The following ESYT3 variants were observed in gnomAD, a reference collection of about 807,000 sequenced individuals.
ESYT3 encodes extended synaptotagmin-3.
Under a neutral mutation model 111.5 loss-of-function variants are expected in ESYT3, and 101 were observed. The ratio of observed to expected loss-of-function variants is 0.91; its 90% CI spans 0.77 to 1.07. ESYT3 has a LOEUF of 1.07. ESYT3 is among the 50% of genes least tolerant of loss of function. The pLI is 0.00. For missense variants in ESYT3, 1,097 were observed against 1,109.4 expected, an observed-to-expected ratio of 0.99 and a Z score of 0.16; for synonymous variants, 416 against 446.8, an observed-to-expected ratio of 0.93 and a Z score of 0.87.
In ESYT3 at chr3:138,479,227, A is replaced by AATAC. The variant is rs1193099257; in HGVS notation, c.*2376_*2379dup. On this transcript the variant is annotated 3_prime_UTR_variant, in exon 23 of 23. Coordinates refer to ENST00000389567, the MANE Select transcript of ESYT3 (RefSeq NM_031913.5). ...CAGTGGAAAGCAAAGAAATCCATAA[A>AATAC]ATACATTGGCAAACCTAAGCAAGTT... 1 of 152,228 alleles carries AATAC rather than the reference A, an allele frequency of 6.6e-6. No individual in the cohort carries two copies. Among genetic ancestry groups the AATAC allele is most frequent in the Non-Finnish European group, 1.5e-5 (1 of 68,034 alleles). The allele number at this position is 152,228 out of a possible 1,614,324, so 9.4% of individuals were successfully genotyped here. A position where few individuals can be genotyped will look rare whatever the true frequency, so the allele number is the denominator to read the frequency against.
chr3:138,467,923 C>T (rs2033014120), intron 11 of ESYT3, among the ~76,000 whole-genome samples, 182 bp from the exon 12 acceptor site: 1 of 152,080 alleles, frequency 6.6e-6, no homozygotes, highest in South Asian at 2.1e-4. Context: ...CTTCCTATAA[C>T]CACATCTCCC....
chr3:138,473,987 T>C (rs544009577), intron 19 of ESYT3, among the ~76,000 whole-genome samples: 1 of 152,358 alleles, frequency 6.6e-6, no homozygotes, highest in African/African-American at 2.4e-5. Context: ...ATGCGTGTTA[T>C]CAAAAACATT....
intron 1 of ESYT3, among the ~76,000 whole-genome samples, chr3:138,447,990 G>T (rs12633098): frequency 2.0e-5 from 3 of 151,842 alleles, no homozygotes; most frequent in Admixed American, 6.6e-5. Flanking sequence ...ATCGGCGGCC[G>T]GGTGTGGTGG....
chr3:138,476,837 G>A lies in ESYT3; in HGVS notation c.2644G>A (p.Gly882Arg), dbSNP rs1278957107. The change falls in exon 23 of 23, where the codon GGA (glycine) becomes AGA (arginine). Residue 882 changes from glycine (G) to arginine (R), a missense_variant. Gly to Arg is a moderately radical substitution (Grantham distance 125). Transcript: ENST00000389567. ...TTACAGGTATGAGCTGACTCCAAAT[G>A]GACAGCCCAGAAGCTGATGATGAGA... ...FSQWYELTPNGQPRS is the reference protein window; with the variant it reads ...FSQWYELTPNRQPRS The A allele has an allele frequency of 6.2e-7, 1 of 1,613,736 alleles. No individual in the cohort carries two copies. The highest frequency in any genetic ancestry group is 1.7e-5 in the Admixed American group (1 of 59,996).
chr3:138,455,060 C>A, intron 2 of ESYT3, 134 bp from the exon 3 acceptor site: 1 of 934,848 alleles, frequency 1.1e-6, no homozygotes, highest in Non-Finnish European at 1.6e-6. Flanking sequence ...GGCAGGCAAG[C>A]AGGTGAGTGC....
chr3:138,437,222 G>A (rs528854876), intron 1 of ESYT3, among the ~76,000 whole-genome samples: 19 of 152,312 alleles, frequency 1.2e-4, no homozygotes, highest in African/African-American at 4.6e-4. Flanking sequence ...GAGGAGAATT[G>A]GAGCCAGGAG....
At chr3:138,437,847 G>A (rs1271223090) in intron 1 of ESYT3, among the ~76,000 whole-genome samples, 1 of 152,104 alleles carries the variant, frequency 6.6e-6, no homozygotes, top group Non-Finnish European at 1.5e-5. Context: ...GGTTTAGGGA[G>A]CTGTTGACCA....
At chr3:138,450,949 G>A (rs1231369017) in intron 1 of ESYT3, among the ~76,000 whole-genome samples, 1 of 152,186 alleles carries the variant, frequency 6.6e-6, no homozygotes, top group African/African-American at 2.4e-5. Context: ...AGGGGACTTG[G>A]GGCATGGCCA....
intron 20 of ESYT3, among the ~76,000 whole-genome samples, chr3:138,475,067 A>T (rs566445349): frequency 4.3e-4 from 66 of 152,332 alleles, no homozygotes; most frequent in African/African-American, 1.5e-3. Flanking sequence ...CATATCTAAG[A>T]ACTATTATGT....
chr3:138,436,626 G>A (rs1440004608), intron 1 of ESYT3, among the ~76,000 whole-genome samples: 3 of 152,190 alleles, frequency 2.0e-5, no homozygotes, highest in Non-Finnish European at 4.4e-5. Flanking sequence ...TAGCCATAGG[G>A]GTAGCGCATG....
At position 138,473,208 on chromosome 3, in the gene ESYT3, C is replaced by T. The variant is rs964896401; in HGVS notation, c.2238-328C>T. 1.4e-5 allele frequency: 14 copies of T among 1,025,528 alleles called. No individual in the cohort carries two copies. The African/African-American group carries it at 1.9e-4, about 14-fold the overall frequency. 63.5% of individuals were successfully genotyped at this position (1,025,528 alleles called of 1,614,324 possible). The stretch of plus-strand genomic sequence containing the variant: ...TATGAAGGGTTTACTATGGGCTTAG[C>T]ATGTTACCTGATTTAATTCAACCTT... On this transcript the variant is annotated intron_variant, in intron 18 of 22. Coordinates refer to ENST00000389567, the MANE Select transcript of ESYT3 (RefSeq NM_031913.5).
chr3:138,436,942 C>T (rs1221059198), intron 1 of ESYT3, among the ~76,000 whole-genome samples: 2 of 151,314 alleles, frequency 1.3e-5, no homozygotes, highest in African/African-American at 2.4e-5. Flanking sequence ...CGTGTAGGGG[C>T]GTGGACACCC....
intron 2 of ESYT3, among the ~76,000 whole-genome samples, chr3:138,452,709 C>T (rs1372202188): frequency 6.6e-6 from 1 of 152,214 alleles, no homozygotes; most frequent in Non-Finnish European, 1.5e-5. Flanking sequence ...CCTCCCTGAT[C>T]TGCCCAGACC....
Position 138,435,943 on chromosome 3 carries a change from C to G in ESYT3, c.327+818C>G, listed in dbSNP as rs946302729. 2.0e-5 allele frequency among the ~76,000 whole-genome samples: 3 copies of G among 152,176 alleles called. No individual in the cohort carries two copies. Among genetic ancestry groups the G allele is most frequent in the Non-Finnish European group, 2.9e-5 (2 of 68,028 alleles). On this transcript the variant is annotated intron_variant, in intron 1 of 22. Coordinates refer to ENST00000389567, the MANE Select transcript of ESYT3 (RefSeq NM_031913.5). The surrounding 1 kb of genome is among the most constrained non-coding windows in gnomAD (Gnocchi z 4.8). ...ATGGTTGGTCTGCGGCAAACCCTTA[C>G]TGTCTCTCCGGTGCTGGGGCTCTTC...
Position 138,473,337 on chromosome 3 carries a change from G to A in ESYT3, c.2238-199G>A, listed in dbSNP as rs1044190002. The A allele has an allele frequency of 9.7e-5, 61 of 630,524 alleles. 1 individual carries two copies. Among genetic ancestry groups the A allele is most frequent in the African/African-American group, 8.5e-4 (47 of 55,008 alleles). The allele number at this position is 630,524 out of a possible 1,614,324, so 39.1% of individuals were successfully genotyped here. On this transcript the variant is annotated intron_variant, in intron 18 of 22. Transcript: ENST00000389567. The stretch of plus-strand genomic sequence containing the variant: ...AGGCAGATTCCACTTCAGGGTTCCC[G>A]TTCTTCCTACTATGAAGTAGGATAA...
At chr3:138,464,274 T>G in intron 8 of ESYT3, 71 bp from the exon 9 acceptor site, 1 of 1,555,228 alleles carries the variant, frequency 6.4e-7, no homozygotes, top group Admixed American at 1.7e-5. Context: ...TCTGATGGTT[T>G]TAGCTCTGAT....
In ESYT3 at chr3:138,459,997, T is replaced by C; in HGVS notation, c.701T>C (p.Phe234Ser). 1 of 1,614,040 alleles carries C rather than the reference T, an allele frequency of 6.2e-7. No individual in the cohort carries two copies. The highest frequency in any genetic ancestry group is 8.5e-7 in the Non-Finnish European group (1 of 1,179,970). Residue 234 changes from phenylalanine (F) to serine (S), a missense_variant, in exon 6 of 23, where the codon TTT (phenylalanine) becomes TCT (serine). Transcript: ENST00000389567. ...ILEPLLVDKP[F>S]VGAVTVFFLQ... ...GAGCCCCTCCTAGTGGACAAGCCCT[T>C]TGTGGGAGCCGTGACTGTGTTCTTC...
chr3:138,455,730 G>A (rs1220995581), intron 3 of ESYT3, among the ~76,000 whole-genome samples: 2 of 152,184 alleles, frequency 1.3e-5, no homozygotes, highest in Non-Finnish European at 2.9e-5. Context: ...GCCGCCTAGC[G>A]CTTTATATTC....
chr3:138,450,769 A>G (rs1482730646), intron 1 of ESYT3, among the ~76,000 whole-genome samples: 1 of 152,224 alleles, frequency 6.6e-6, no homozygotes, highest in Non-Finnish European at 1.5e-5. Context: ...GGCAACCCCA[A>G]AGCTGGCTCA....
Sources: gnomAD v4.1 joint callset for allele counts (sites outside exome capture counted in the v4.1 genomes callset) on GRCh38, gnomAD v4.1.1 for gene constraint, Gnocchi (gnomAD v3.1) non-coding constraint, MANE v1.5 for transcripts, NCBI Gene and HGNC (gene_info 2026-07-23, HGNC 2026-07-21) for gene names.